CCND3: variants seen among roughly 807,000 people sequenced by gnomAD.
CCND3 encodes the protein G1/S-specific cyclin-D3.
In CCND3, 9 loss-of-function variants were observed where a neutral mutation model predicts 28.7. The ratio of observed to expected loss-of-function variants is 0.31; its 90% confidence interval spans 0.19 to 0.55. The LOEUF is 0.55. CCND3 is among the 20% of genes least tolerant of loss of function. CCND3 has a pLI of 0.93. For synonymous variants in CCND3, 164 were observed against 163.9 expected (o/e 1.00, Z 0.00); for missense variants, 315 against 385.8 (o/e 0.82, Z 1.54).
rs530582500 is a variant in CCND3, at chr6:41,982,901, A to G, written c.-45-42316T>C. On this transcript the variant is annotated intron_variant, in intron 1 of 4. Transcript: ENST00000372988. ...ACATGCAAAAAAAAAAAAAAAAAAA[A>G]AGAATCTAGATACAGATCTTATGCT... 8.9e-3 allele frequency among the ~76,000 whole-genome samples: 1,268 copies of G among 142,680 alleles called. 23 individuals carry two copies. Among genetic ancestry groups the G allele is most frequent in the African/African-American group, 0.031 (1,213 of 38,810 alleles). 93.6% of individuals were successfully genotyped at this position (142,680 alleles called of 152,430 possible).
intron 1 of CCND3, among the ~76,000 whole-genome samples, chr6:42,034,147 CTTT>C (rs529799896): frequency 4.4e-5 from 6 of 137,600 alleles, no homozygotes; most frequent in Non-Finnish European, 4.7e-5. Flanking sequence ...AAGACCCTGT[CTTT>C]TTTTTTTTTT....
At chr6:42,049,996 T>C (rs1348261885), upstream of CCND3, 3 of 152,530 alleles carry the variant, frequency 2.0e-5, no homozygotes, top group Non-Finnish European at 2.9e-5. Context: ...GATTTTCATA[T>C]TAAAATAGGT....
At chr6:41,966,127 A>G (rs1761880655) in intron 1 of CCND3, among the ~76,000 whole-genome samples, 1 of 152,180 alleles carries the variant, frequency 6.6e-6, no homozygotes, top group African/African-American at 2.4e-5. Flanking sequence ...AGAATAAGAG[A>G]AAATACCTAA....
intron 1 of CCND3, among the ~76,000 whole-genome samples, chr6:42,041,088 AG>A (rs1390762724): frequency 1.3e-5 from 2 of 152,336 alleles, no homozygotes; most frequent in Non-Finnish European, 2.9e-5. Context: ...GGAACACATG[AG>A]GATTCAGAGA....
At chr6:41,985,125 T>C (rs1762450077) in intron 1 of CCND3, among the ~76,000 whole-genome samples, 2 of 152,102 alleles carry the variant, frequency 1.3e-5, no homozygotes, top group Non-Finnish European at 2.9e-5. Flanking sequence ...GTTGATTGTT[T>C]TCTTTGCTAT....
chr6:41,964,356 G>C (rs1261136025), intron 1 of CCND3, among the ~76,000 whole-genome samples: 3 of 147,170 alleles, frequency 2.0e-5, no homozygotes, highest in African/African-American at 7.4e-5. Flanking sequence ...GTGTGAGTCT[G>C]TGTGTGTATG....
intron 1 of CCND3, among the ~76,000 whole-genome samples, chr6:41,976,373 T>C (rs568912316): frequency 6.6e-6 from 1 of 151,880 alleles, no homozygotes; most frequent in Non-Finnish European, 1.5e-5. Context: ...AAAAATTAGC[T>C]GGGTGTGATA....
chr6:41,953,890 A>G (rs957767633), intron 1 of CCND3, among the ~76,000 whole-genome samples: 2 of 152,014 alleles, frequency 1.3e-5, no homozygotes, highest in African/African-American at 4.8e-5. Context: ...ATGGCACATT[A>G]CTGAATACTT....
At chr6:42,035,670 T>C (rs1764182716) in intron 1 of CCND3, among the ~76,000 whole-genome samples, 1 of 130,728 alleles carries the variant, frequency 7.6e-6, no homozygotes, top group Non-Finnish European at 1.7e-5. Flanking sequence ...CCCAGCTAGT[T>C]TCTTTTCTTT....
intron 1 of CCND3, among the ~76,000 whole-genome samples, chr6:41,997,186 T>G (rs9357379): frequency 0.98 from 149,242 of 152,302 alleles, 73,185 homozygotes; most frequent in East Asian, 1. Flanking sequence ...TTCCATCTCT[T>G]CCTCCCACAG....
At chr6:42,001,852 T>C (rs1302769197) in intron 1 of CCND3, among the ~76,000 whole-genome samples, 1 of 152,140 alleles carries the variant, frequency 6.6e-6, no homozygotes, top group African/African-American at 2.4e-5. Flanking sequence ...CGGTAGCTCA[T>C]GCCTATAATC....
At chr6:42,031,241 C>T (rs1293708362) in intron 1 of CCND3, 2 of 152,200 alleles carry the variant, frequency 1.3e-5, no homozygotes, top group Admixed American at 6.6e-5. Flanking sequence ...TGTGCCCATC[C>T]GTAGGTTATT....
chr6:42,026,255 A>G (rs1763873463), intron 1 of CCND3, among the ~76,000 whole-genome samples: 1 of 152,040 alleles, frequency 6.6e-6, no homozygotes, highest in African/African-American at 2.4e-5. Context: ...ACCTCATCAG[A>G]GAACAGCACA....
chr6:41,963,635 G>A (rs1010783862), intron 1 of CCND3, among the ~76,000 whole-genome samples: 3 of 152,222 alleles, frequency 2.0e-5, no homozygotes, highest in Non-Finnish European at 2.9e-5. Flanking sequence ...GGTGGTGAAC[G>A]TGGAACCACT....
rs778922487 is a variant in CCND3 at position 41,941,435 on chromosome 6, A to G, written c.198+17T>C. On this transcript the variant is annotated intron_variant, in intron 1 of 4. Coordinates refer to ENST00000372991, the MANE Select transcript of CCND3 (RefSeq NM_001760.5). This position sits in a 1 kb window ranked among gnomAD's most constrained non-coding sequence, Gnocchi z 6.1. ...GACCCGGGAGCGGTGGGGGAGGGGG[A>G]CGCGTCCGGGCGGTACCTCCAGCAT... 2.6e-5 allele frequency: 42 copies of G among 1,604,870 alleles called. No individual in the cohort carries two copies. In the East Asian group the frequency reaches 9.1e-4, roughly 35 times the overall value.
intron 1 of CCND3, among the ~76,000 whole-genome samples, chr6:41,996,379 A>G (rs1233267091): frequency 2.0e-5 from 3 of 151,554 alleles, no homozygotes; most frequent in African/African-American, 7.3e-5. Flanking sequence ...TGAACTCCTG[A>G]CCTCAAGTGA....
upstream of CCND3, among the ~76,000 whole-genome samples, chr6:41,943,806 A>C (rs1390108767): frequency 6.6e-6 from 1 of 152,206 alleles, no homozygotes; most frequent in South Asian, 2.1e-4. Flanking sequence ...AGTAATAATA[A>C]ATCTATTTTG....
chr6:41,949,753 C>A (rs1286084306), intron 1 of CCND3, among the ~76,000 whole-genome samples: 1 of 151,808 alleles, frequency 6.6e-6, no homozygotes, highest in Non-Finnish European at 1.5e-5. Flanking sequence ...GAAAAGAAAC[C>A]TCAGGTACTA....
At chr6:41,978,156 C>G (rs1021978853) in intron 1 of CCND3, among the ~76,000 whole-genome samples, 13 of 151,698 alleles carry the variant, frequency 8.6e-5, no homozygotes, top group African/African-American at 2.9e-4. Context: ...GGGTGGATCA[C>G]GAGGTCAGGA....
Sources: gnomAD v4.1 joint callset for allele counts (sites outside exome capture counted in the v4.1 genomes callset) on GRCh38, gnomAD v4.1.1 for gene constraint, Gnocchi (gnomAD v3.1) non-coding constraint, MANE v1.5 for transcripts, NCBI Gene and HGNC (gene_info 2026-07-23, HGNC 2026-07-21) for gene names.